Variants in CPE observed in about 807,000 individuals in gnomAD.
CPE encodes carbocypeptidase E.
CPE carries 17 observed loss-of-function variants against 53.5 expected under a neutral mutation model. That is an observed-to-expected ratio of 0.32 (90% CI 0.22 to 0.48). The LOEUF (loss-of-function observed/expected upper bound fraction) is 0.48. Ranked by LOEUF, CPE falls within the 20% of genes least tolerant of loss-of-function variation. The probability of loss-of-function intolerance (pLI) is 0.99; values close to 1 mark genes in which losing one functional copy is unlikely to be tolerated. For missense variants in CPE, 524 were observed against 614.7 expected, an observed-to-expected ratio of 0.85 and a Z score of 1.56; for synonymous variants, 226 against 228.8, an observed-to-expected ratio of 0.99 and a Z score of 0.11.
rs779046648 is a variant in CPE, at chr4:165,394,716, AT to A, written c.307+15198del. Reference sequence around the variant, plus strand: ...ATAGCAAGATTCTGCCCCTATTAAAATTTTTTTTTTATGTGAAAAATGTTAC... The same window carrying A: ...ATAGCAAGATTCTGCCCCTATTAAAATTTTTTTTTATGTGAAAAATGTTAC... On this transcript the variant is annotated intron_variant, in intron 1 of 8. Coordinates refer to ENST00000402744, the MANE Select transcript of CPE (RefSeq NM_001873.4). Among the ~76,000 whole-genome samples the A allele has an allele frequency of 3.5e-3, 525 of 150,380 alleles. 9 individuals carry two copies. The highest frequency in any genetic ancestry group is 0.027 in the East Asian group (138 of 5,140).
At chr4:165,388,070 A>T (rs1730625050) in intron 1 of CPE, among the ~76,000 whole-genome samples, 1 of 152,212 alleles carries the variant, frequency 6.6e-6, no homozygotes, top group African/African-American at 2.4e-5. Flanking sequence ...TTCTCTTCCT[A>T]TACAGGCGAA....
In CPE at chr4:165,438,890, A is replaced by T. The variant is rs369405681; in HGVS notation, c.308-25500A>T. On this transcript the variant is annotated intron_variant, in intron 1 of 8. Coordinates refer to ENST00000402744, the MANE Select transcript of CPE (RefSeq NM_001873.4). ...GATGTGCACGGATGGCAAAAATCAG[A>T]GGTAGAGATGCATAGTTCACCTCTA... Among the ~76,000 whole-genome samples the T allele has an allele frequency of 3.7e-3, 563 of 152,288 alleles. 4 individuals are homozygous for T. The highest frequency in any genetic ancestry group is 0.013 in the African/African-American group (539 of 41,566).
At chr4:165,441,310 C>T (rs543615759) in intron 1 of CPE, among the ~76,000 whole-genome samples, 1 of 152,286 alleles carries the variant, frequency 6.6e-6, no homozygotes, top group South Asian at 2.1e-4. Flanking sequence ...GGAAGTGGCT[C>T]CTATAGATCC....
At chr4:165,384,626 T>TAAC (rs1185568986) in intron 1 of CPE, among the ~76,000 whole-genome samples, 5 of 151,942 alleles carry the variant, frequency 3.3e-5, no homozygotes, top group East Asian at 3.9e-4. Flanking sequence ...AGAAACAAAA[T>TAAC]AACAACAACA....
intron 1 of CPE, among the ~76,000 whole-genome samples, chr4:165,406,655 G>C (rs551446852): frequency 6.6e-6 from 1 of 152,270 alleles, no homozygotes; most frequent in South Asian, 2.1e-4. Context: ...ATGGTTTATA[G>C]TAGATCCACA....
chr4:165,482,502 C>G, intron 4 of CPE, 143 bp downstream of exon 4: 1 of 612,804 alleles, frequency 1.6e-6, no homozygotes, highest in Non-Finnish European at 2.9e-6. Context: ...TAACAGGAAG[C>G]TCTCCTAATC....
In CPE at chr4:165,482,373, C is replaced by T. The variant is rs745606793; in HGVS notation, c.790+14C>T. ...AGACGCGGAGTGGTAGGTATTCTTTCTGCTTCTCTTATTGGTTCAAAGTTT... is the reference window on the plus strand; with the variant it reads ...AGACGCGGAGTGGTAGGTATTCTTTTTGCTTCTCTTATTGGTTCAAAGTTT... On this transcript the variant is annotated intron_variant, in intron 4 of 8. Coordinates refer to ENST00000402744, the MANE Select transcript of CPE (RefSeq NM_001873.4). 6.5e-6 allele frequency: 10 copies of T among 1,547,844 alleles called. No individual in the cohort carries two copies. In the East Asian group the frequency reaches 1.6e-4, roughly 24 times the overall value.
At chr4:165,486,862 G>C (rs2126713943) in intron 5 of CPE, among the ~76,000 whole-genome samples, 1 of 152,248 alleles carries the variant, frequency 6.6e-6, no homozygotes, top group East Asian at 1.9e-4. Flanking sequence ...TCTTCGGAGA[G>C]AGGCATAGAC....
chr4:165,428,963 A>T (rs908789657), intron 1 of CPE, among the ~76,000 whole-genome samples: 1 of 152,124 alleles, frequency 6.6e-6, no homozygotes, highest in Non-Finnish European at 1.5e-5. Context: ...TAGGGCATGG[A>T]TATCTGTTGA....
chr4:165,467,808 A>C lies in CPE; in HGVS notation c.625A>C (p.Asn209His). 1 of 1,613,926 alleles carries C rather than the reference A, an allele frequency of 6.2e-7. No homozygotes were observed. Among genetic ancestry groups the C allele is most frequent in the Non-Finnish European group, 8.5e-7 (1 of 1,179,878 alleles). The change falls in exon 3 of 9, where the codon AAT (asparagine) becomes CAT (histidine). Residue 209 changes from asparagine to histidine, a missense_variant. By Grantham distance (68) the Asn-to-His change is moderately conservative. Transcript: ENST00000402744. ...GAATGAGAAAGAAGGTGGTCCAAAT[A>C]ATCATCTGTTGAAAAATATGAAGAA... Reference protein sequence around the residue: ...YVNEKEGGPNNHLLKNMKKIV... With the variant: ...YVNEKEGGPNHHLLKNMKKIV...
At chr4:165,419,195 C>A (rs1053894045) in intron 1 of CPE, among the ~76,000 whole-genome samples, 5 of 152,214 alleles carry the variant, frequency 3.3e-5, no homozygotes, top group African/African-American at 9.6e-5. Context: ...AGAAGAAATA[C>A]TAACTGAATA....
At chr4:165,413,508 G>C (rs914168279) in intron 1 of CPE, among the ~76,000 whole-genome samples, 43 of 152,258 alleles carry the variant, frequency 2.8e-4, no homozygotes, top group African/African-American at 1.0e-3. Flanking sequence ...GAGAATTCAA[G>C]AGGCTTTGGA....
chr4:165,441,625 G>A (rs1486058882), intron 1 of CPE, among the ~76,000 whole-genome samples: 2 of 152,064 alleles, frequency 1.3e-5, no homozygotes, highest in African/African-American at 4.8e-5. Flanking sequence ...GTCCTATTTG[G>A]GTTTTCTTTT....
At chr4:165,405,919 A>C in intron 1 of CPE, 1 of 731,442 alleles carries the variant, frequency 1.4e-6, no homozygotes, top group Non-Finnish European at 2.6e-6. Context: ...GGCAGGATCC[A>C]CTGATGGCAG....
chr4:165,379,692 G>C lies in CPE; in HGVS notation c.307+164G>C, dbSNP rs1730471421. On this transcript the variant is annotated intron_variant, in intron 1 of 8. Coordinates refer to ENST00000402744, the MANE Select transcript of CPE (RefSeq NM_001873.4). The surrounding 1 kb of genome is among the most constrained non-coding windows in gnomAD (Gnocchi z 6.0). The stretch of plus-strand genomic sequence containing the variant: ...GGAAGTGGAGGGAGGGATGGAAATG[G>C]GGAAGAACCCGACTTAGAGCGCCAG... Among the ~76,000 whole-genome samples the C allele has an allele frequency of 6.6e-6, 1 of 152,086 alleles. No individual in the cohort carries two copies.
At chr4:165,420,438 T>C (rs557126222) in intron 1 of CPE, among the ~76,000 whole-genome samples, 2 of 152,290 alleles carry the variant, frequency 1.3e-5, no homozygotes, top group East Asian at 3.9e-4. Context: ...AACAACTATT[T>C]ATTTTTCATA....
intron 1 of CPE, chr4:165,404,668 C>T (rs1315086748): frequency 9.7e-7 from 1 of 1,027,190 alleles, no homozygotes; most frequent in Admixed American, 1.7e-5. Flanking sequence ...CAACTCCTTC[C>T]TGGAGGATTC....
intron 1 of CPE, among the ~76,000 whole-genome samples, chr4:165,409,624 C>G (rs1450896629): frequency 6.6e-6 from 1 of 151,968 alleles, no homozygotes; most frequent in East Asian, 1.9e-4. Context: ...TTTCAGTGTA[C>G]AAATGAAATC....
chr4:165,430,606 G>T (rs1000161745), intron 1 of CPE, among the ~76,000 whole-genome samples: 7 of 152,012 alleles, frequency 4.6e-5, no homozygotes, highest in African/African-American at 1.7e-4. Context: ...CATATAGTTT[G>T]CACTTCATGT....
Sources: allele counts gnomAD v4.1 joint callset (sites outside exome capture counted in the v4.1 genomes callset), GRCh38; gene constraint gnomAD v4.1.1; non-coding constraint Gnocchi (gnomAD v3.1); transcripts MANE v1.5; gene names NCBI Gene and HGNC (gene_info 2026-07-23, HGNC 2026-07-21).